Variants in GORASP2 observed in about 807,000 individuals in gnomAD.
The protein encoded by GORASP2 is Golgi reassembly-stacking protein 2.
A neutral mutation model predicts 45.7 loss-of-function variants in GORASP2; 22 were observed. The ratio of observed to expected loss-of-function variants is 0.48; its 90% CI spans 0.34 to 0.69. The LOEUF (loss-of-function observed/expected upper bound fraction) is 0.69. GORASP2 is among the 30% of genes least tolerant of loss of function. The pLI is 0.01. For synonymous variants in GORASP2, 221 were observed against 215.6 expected (o/e 1.02, Z -0.22); for missense variants, 491 against 562.7 (o/e 0.87, Z 1.29).
chr2:170,931,595 A>T (rs1269739143), intron 1 of GORASP2, among the ~76,000 whole-genome samples: 2 of 152,200 alleles, frequency 1.3e-5, no homozygotes, highest in Non-Finnish European at 2.9e-5. Context: ...TGTAGTAAAA[A>T]CTTAATATGA....
intron 1 of GORASP2, among the ~76,000 whole-genome samples, chr2:170,943,760 C>T (rs940638550): frequency 1.3e-4 from 20 of 152,286 alleles, no homozygotes; most frequent in African/African-American, 4.1e-4. Flanking sequence ...GTAGTCTCGA[C>T]CTCCTGGGCT....
intron 5 of GORASP2, 71 bp from the exon 6 acceptor site, chr2:170,954,579 C>G (rs1447002652): frequency 2.2e-6 from 3 of 1,351,690 alleles, no homozygotes; most frequent in South Asian, 1.4e-5. Flanking sequence ...ACCCGCCCCC[C>G]CCAAAAAAAA....
chr2:170,960,758 G>A (rs1322443490), intron 7 of GORASP2, among the ~76,000 whole-genome samples: 1 of 152,162 alleles, frequency 6.6e-6, no homozygotes, highest in East Asian at 1.9e-4. Context: ...CAGTGCTTCA[G>A]TTAGACTTTT....
At chr2:170,934,226 A>G (rs533175979) in intron 1 of GORASP2, among the ~76,000 whole-genome samples, 8 of 147,762 alleles carry the variant, frequency 5.4e-5, no homozygotes, top group Admixed American at 6.8e-5. Flanking sequence ...GTCTTTCTCA[A>G]ACTTTTGAAA....
chr2:170,931,281 G>GT (rs1371136613), intron 1 of GORASP2, among the ~76,000 whole-genome samples: 1 of 152,188 alleles, frequency 6.6e-6, no homozygotes. Context: ...TAATGATCTA[G>GT]TTTAGGAGAA....
intron 7 of GORASP2, among the ~76,000 whole-genome samples, chr2:170,959,288 T>G (rs1704498620): frequency 6.6e-6 from 1 of 152,226 alleles, no homozygotes; most frequent in Non-Finnish European, 1.5e-5. Context: ...TTTTAGGCGA[T>G]AGTTGACATG....
At chr2:170,962,987 A>G (rs1252783743) in intron 9 of GORASP2, 41 bp downstream of exon 9, 1 of 1,359,782 alleles carries the variant, frequency 7.4e-7, no homozygotes. Context: ...CTCTCTAATA[A>G]AAGTTTTATT....
rs1341886629 is a variant in GORASP2, at chr2:170,966,352, A to G, written c.*222A>G. Reference sequence around the variant, plus strand: ...TCAGAAAGCGCTTGTATTTTAAACAACCAAAAAGAATTGTAAGGGTGGCTT... The same window carrying G: ...TCAGAAAGCGCTTGTATTTTAAACAGCCAAAAAGAATTGTAAGGGTGGCTT... On this transcript the variant is annotated 3_prime_UTR_variant, in exon 10 of 10. Coordinates refer to ENST00000234160, the MANE Select transcript of GORASP2 (RefSeq NM_015530.5). 1 of 566,522 alleles carries G rather than the reference A, an allele frequency of 1.8e-6. No individual in the cohort carries two copies. Among genetic ancestry groups the G allele is most frequent in the African/African-American group, 1.9e-5 (1 of 52,840 alleles). The allele number at this position is 566,522 out of a possible 1,614,324, so 35.1% of individuals were successfully genotyped here.
At chr2:170,946,768 C>CAAAAAA (rs10692734) in intron 1 of GORASP2, among the ~76,000 whole-genome samples, 1 of 105,080 alleles carries the variant, frequency 9.5e-6, no homozygotes, top group South Asian at 3.3e-4. Context: ...CATGCCTCTA[C>CAAAAAA]AAAAAAAAAA....
At position 170,944,951 on chromosome 2, in the gene GORASP2, A is replaced by T. The variant is rs1293450022; in HGVS notation, c.64-3399A>T. On this transcript the variant is annotated intron_variant, in intron 1 of 9. Coordinates refer to ENST00000234160, the MANE Select transcript of GORASP2 (RefSeq NM_015530.5). Reference sequence around the variant, plus strand: ...CCCTTTCACACCTGAGGCCTTTCACATCTAATTGATAACCACCTAATAGGC... The same window carrying T: ...CCCTTTCACACCTGAGGCCTTTCACTTCTAATTGATAACCACCTAATAGGC... 2.0e-5 allele frequency among the ~76,000 whole-genome samples: 3 copies of T among 152,118 alleles called. No individual in the cohort carries two copies. The East Asian group carries it at 5.8e-4, about 29-fold the overall frequency.
chr2:170,947,507 C>T (rs140468168), intron 1 of GORASP2, among the ~76,000 whole-genome samples: 141 of 152,270 alleles, frequency 9.3e-4, no homozygotes, highest in African/African-American at 3.3e-3. Context: ...TCCCTTAGAA[C>T]CTTATACCAA....
rs765680246 is a variant in GORASP2 at position 170,962,933 on chromosome 2, A to G, written c.1005A>G (p.Glu335=). ...TCATGCCAGGGGTTGGCTTACCAGA[A>G]CTTGTAAACCCAGGTATGTTGCAGA... ...PHIMPGVGLP[E]LVNPGLPPLP... is the part of the protein sequence containing the mutation. Residue 335 remains glutamate (E), a synonymous_variant, in exon 9 of 10, where the codon GAA becomes GAG. Coordinates refer to ENST00000234160, the MANE Select transcript of GORASP2 (RefSeq NM_015530.5). 6.2e-6 allele frequency: 10 copies of G among 1,612,188 alleles called. No individual in the cohort carries two copies. In the Admixed American group the frequency reaches 1.5e-4, roughly 24 times the overall value.
chr2:170,945,400 C>T (rs1704160124), intron 1 of GORASP2, among the ~76,000 whole-genome samples: 1 of 150,978 alleles, frequency 6.6e-6, no homozygotes, highest in South Asian at 2.1e-4. Flanking sequence ...ATTAGCTGGG[C>T]ATGGTGGTGC....
At chr2:170,964,000 T>C (rs905718690) in intron 9 of GORASP2, among the ~76,000 whole-genome samples, 2 of 152,208 alleles carry the variant, frequency 1.3e-5, no homozygotes, top group Non-Finnish European at 2.9e-5. Context: ...GTGAATATTC[T>C]CCATTATTTA....
chr2:170,933,336 C>T (rs557055591), intron 1 of GORASP2, among the ~76,000 whole-genome samples: 2 of 152,028 alleles, frequency 1.3e-5, no homozygotes, highest in African/African-American at 2.4e-5. Context: ...TGTAAGTTAC[C>T]CCCTACATGT....
intron 5 of GORASP2, 111 bp from the exon 6 acceptor site, chr2:170,954,539 C>G: frequency 1.3e-6 from 1 of 760,556 alleles, no homozygotes; most frequent in African/African-American, 1.8e-5. Flanking sequence ...AGTGCATGTT[C>G]AGGGCAACTT....
intron 7 of GORASP2, among the ~76,000 whole-genome samples, chr2:170,960,141 A>C (rs79471917): frequency 6.6e-6 from 1 of 152,024 alleles, no homozygotes; most frequent in East Asian, 1.9e-4. Context: ...ACCATTTTAC[A>C]TGCTATGTAT....
At chr2:170,946,234 G>C (rs916875014) in intron 1 of GORASP2, among the ~76,000 whole-genome samples, 2 of 151,976 alleles carry the variant, frequency 1.3e-5, no homozygotes, top group Non-Finnish European at 2.9e-5. Context: ...TCAAACTCCT[G>C]GACTCCAATC....
intron 1 of GORASP2, among the ~76,000 whole-genome samples, chr2:170,934,083 G>T (rs1236896627): frequency 6.6e-6 from 1 of 152,048 alleles, no homozygotes; most frequent in African/African-American, 2.4e-5. Context: ...TCTCCCAAAG[G>T]TACTGCTCTT....
Sources: allele counts gnomAD v4.1 joint callset (sites outside exome capture counted in the v4.1 genomes callset), GRCh38; gene constraint gnomAD v4.1.1; transcripts MANE v1.5; gene names NCBI Gene and HGNC (gene_info 2026-07-23, HGNC 2026-07-21).